The following BAZ2B variants were observed in gnomAD, a reference collection of about 807,000 sequenced individuals.
BAZ2B encodes the protein bromodomain adjacent to zinc finger domain 2B, also known as bromodomain adjacent to zinc finger domain protein 2B.
In BAZ2B, 91 loss-of-function variants were observed where a neutral mutation model predicts 246.0. That is an observed-to-expected ratio of 0.37 (90% CI 0.31 to 0.44). The LOEUF is 0.44. Among genes scored for constraint, BAZ2B ranks in the 20% least tolerant of loss-of-function variants. The pLI is 1.00. For synonymous variants in BAZ2B, 855 were observed against 860.0 expected, an observed-to-expected ratio of 0.99 and a Z score of 0.10; for missense variants, 2,332 against 2,533.7, an observed-to-expected ratio of 0.92 and a Z score of 1.71.
the BAZ2B span, among the ~76,000 whole-genome samples, chr2:159,661,673 T>G: frequency 1.3e-5 from 2 of 152,224 alleles, no homozygotes; most frequent in African/African-American, 2.4e-5. Flanking sequence ...AGTGTATGTT[T>G]GTATGTGTGT....
intron 2 of BAZ2B, among the ~76,000 whole-genome samples, chr2:159,503,415 A>G (rs761692176): frequency 2.5e-4 from 38 of 152,042 alleles, no homozygotes; most frequent in Non-Finnish European, 4.6e-4. Flanking sequence ...TTACTCCTAC[A>G]TATACTCTAG....
intron 2 of BAZ2B, among the ~76,000 whole-genome samples, chr2:159,493,273 T>G (rs548200282): frequency 1.3e-5 from 2 of 152,166 alleles, no homozygotes; most frequent in Non-Finnish European, 2.9e-5. Context: ...TTAAATAAAA[T>G]TTAAAAGTCA....
chr2:159,594,014 C>T (rs1202532560), intron 1 of BAZ2B, among the ~76,000 whole-genome samples: 1 of 152,210 alleles, frequency 6.6e-6, no homozygotes, highest in African/African-American at 2.4e-5. Flanking sequence ...TGTGCAACCT[C>T]CACCACTATC....
At chr2:159,590,069 C>G (rs947427345) in intron 1 of BAZ2B, among the ~76,000 whole-genome samples, 1 of 151,344 alleles carries the variant, frequency 6.6e-6, no homozygotes, top group African/African-American at 2.4e-5. Context: ...CGCCTGTAAT[C>G]CCAGCAACTT....
intron 1 of BAZ2B, among the ~76,000 whole-genome samples, chr2:159,588,331 T>A (rs1688536054): frequency 6.6e-6 from 1 of 152,012 alleles, no homozygotes; most frequent in African/African-American, 2.4e-5. Context: ...AAGATATATT[T>A]ATGAATTAAT....
At chr2:159,505,815 G>A (rs978031826) in intron 2 of BAZ2B, among the ~76,000 whole-genome samples, 3 of 152,162 alleles carry the variant, frequency 2.0e-5, no homozygotes, top group African/African-American at 4.8e-5. Context: ...GTAACAGCAG[G>A]TATGTGTATA....
chr2:159,338,425 G>A (rs912733874), intron 31 of BAZ2B, among the ~76,000 whole-genome samples: 2 of 151,986 alleles, frequency 1.3e-5, no homozygotes, highest in Non-Finnish European at 2.9e-5. Flanking sequence ...GTAATTATTC[G>A]ATGAATATTT....
At chr2:159,661,152 T>C in the BAZ2B span, among the ~76,000 whole-genome samples, 1 of 152,204 alleles carries the variant, frequency 6.6e-6, no homozygotes. Flanking sequence ...TAGAGATTTG[T>C]CTATTTTGTT....
chr2:159,568,094 A>G (rs1419009103), intron 1 of BAZ2B, among the ~76,000 whole-genome samples: 2 of 152,242 alleles, frequency 1.3e-5, no homozygotes, highest in Admixed American at 1.3e-4. Context: ...TTGTGGAACC[A>G]TAACCACTAT....
At chr2:159,409,325 T>C (rs1358559504) in intron 14 of BAZ2B, among the ~76,000 whole-genome samples, 1 of 152,202 alleles carries the variant, frequency 6.6e-6, no homozygotes, top group East Asian at 1.9e-4. Context: ...AGATTACTTA[T>C]AGGCATCTCA....
chr2:159,353,147 A>T (rs1559075290), intron 27 of BAZ2B, among the ~76,000 whole-genome samples: 1 of 152,232 alleles, frequency 6.6e-6, no homozygotes, highest in Non-Finnish European at 1.5e-5. Flanking sequence ...TAGGTATATC[A>T]TAATTTATCC....
intron 1 of BAZ2B, among the ~76,000 whole-genome samples, chr2:159,606,659 G>T (rs1485465400): frequency 6.6e-6 from 1 of 151,974 alleles, no homozygotes; most frequent in African/African-American, 2.4e-5. Context: ...ATAAAAAATG[G>T]TTACATAAAA....
chr2:159,323,419 C>T (rs1174518086), intron 36 of BAZ2B, among the ~76,000 whole-genome samples: 1 of 152,124 alleles, frequency 6.6e-6, no homozygotes, highest in African/African-American at 2.4e-5. Context: ...AATTTAAATA[C>T]TAGTAAAGTC....
downstream of BAZ2B, among the ~76,000 whole-genome samples, chr2:159,315,502 G>A (rs2062022311): frequency 6.6e-6 from 1 of 152,140 alleles, no homozygotes; most frequent in South Asian, 2.1e-4. Context: ...TCAGGCACAG[G>A]GCTGGTAAGC....
At chr2:159,368,139 C>T (rs1199707749) in intron 27 of BAZ2B, among the ~76,000 whole-genome samples, 1 of 152,154 alleles carries the variant, frequency 6.6e-6, no homozygotes, top group Non-Finnish European at 1.5e-5. Flanking sequence ...GATTCTTTTG[C>T]ATCTTGTTTT....
At chr2:159,692,777 C>T in the BAZ2B span, among the ~76,000 whole-genome samples, 5 of 152,146 alleles carry the variant, frequency 3.3e-5, no homozygotes, top group Admixed American at 6.5e-5. Context: ...CTGTAAATCC[C>T]ATATGGTCAT....
At chr2:159,686,892 A>C in the BAZ2B span, among the ~76,000 whole-genome samples, 1 of 151,826 alleles carries the variant, frequency 6.6e-6, no homozygotes, top group Admixed American at 6.6e-5. Flanking sequence ...AATACAAAAA[A>C]TTAGCTGGGC....
intron 13 of BAZ2B, among the ~76,000 whole-genome samples, chr2:159,421,979 T>A (rs1200466612): frequency 6.6e-6 from 1 of 152,050 alleles, no homozygotes; most frequent in East Asian, 1.9e-4. Context: ...AAGAACGCAA[T>A]CTCATTTACA....
At chr2:159,316,000 T>A (rs1244319798), downstream of BAZ2B, among the ~76,000 whole-genome samples, 1 of 152,154 alleles carries the variant, frequency 6.6e-6, no homozygotes, top group Non-Finnish European at 1.5e-5. Flanking sequence ...ACAATAAGAT[T>A]TATAGCATAA....
Sources: allele counts gnomAD v4.1 joint callset (sites outside exome capture counted in the v4.1 genomes callset), GRCh38; gene constraint gnomAD v4.1.1; transcripts MANE v1.5; gene names NCBI Gene and HGNC (gene_info 2026-07-23, HGNC 2026-07-21).